Variants in BLTP1 observed in about 807,000 individuals in gnomAD.
BLTP1 encodes bridge-like lipid transfer protein family member 1, also known as fragile site-associated protein.
chr4:122,202,361 A>T, the BLTP1 span: 1 of 152,766 alleles, frequency 6.5e-6, no homozygotes, highest in Admixed American at 6.6e-5. Context: ...AGCAGTTTGC[A>T]CATATTAAAT....
chr4:122,234,967 C>G, the BLTP1 span: 1 of 1,613,022 alleles, frequency 6.2e-7, no homozygotes, highest in African/African-American at 1.3e-5. Context: ...TATGGACAGT[C>G]TCTGCTACAG....
chr4:122,207,030 TG>T, the BLTP1 span: 1 of 1,295,456 alleles, frequency 7.7e-7, no homozygotes, highest in Non-Finnish European at 1.1e-6. Flanking sequence ...CATTTTTGAC[TG>T]GTGTTAGAAA....
the BLTP1 span, among the ~76,000 whole-genome samples, chr4:122,223,789 T>A: frequency 1.3e-5 from 2 of 152,122 alleles, no homozygotes; most frequent in Non-Finnish European, 2.9e-5. Context: ...AAAAAGTCAA[T>A]GCATTTGTCA....
the BLTP1 span, chr4:122,333,737 G>A: frequency 6.2e-7 from 1 of 1,612,152 alleles, no homozygotes; most frequent in East Asian, 2.2e-5. Flanking sequence ...GCAAGAAAGT[G>A]CCATCATCTC....
the BLTP1 span, chr4:122,238,300 G>A: frequency 1.2e-6 from 2 of 1,614,082 alleles, no homozygotes; most frequent in Non-Finnish European, 1.7e-6. Context: ...ATGACCATTT[G>A]GTTCAAAAAG....
chr4:122,187,042 A>G, the BLTP1 span: 2 of 985,048 alleles, frequency 2.0e-6, no homozygotes, highest in Non-Finnish European at 2.4e-6. Context: ...ACAAACATCA[A>G]AGTGACTTGT....
the BLTP1 span, chr4:122,276,575 C>T: frequency 5.1e-6 from 5 of 985,252 alleles, no homozygotes; most frequent in South Asian, 1.9e-4. Flanking sequence ...ATGTCAGCAC[C>T]ATCTGGGTGT....
the BLTP1 span, among the ~76,000 whole-genome samples, chr4:122,166,080 A>G: frequency 1.3e-5 from 2 of 152,096 alleles, no homozygotes; most frequent in African/African-American, 4.8e-5. Context: ...TAGTTTAATT[A>G]GATCCCATTT....
At chr4:122,283,416 A>T in the BLTP1 span, among the ~76,000 whole-genome samples, 2 of 152,066 alleles carry the variant, frequency 1.3e-5, no homozygotes, top group African/African-American at 4.8e-5. Flanking sequence ...ATTCTGCTTC[A>T]TTGATCTCTT....
the BLTP1 span, chr4:122,201,213 G>T: frequency 2.0e-6 from 2 of 988,574 alleles, no homozygotes; most frequent in Non-Finnish European, 1.5e-6. Flanking sequence ...AATTACATAG[G>T]GATATGATAT....
chr4:122,336,056 C>G, the BLTP1 span: 2 of 620,842 alleles, frequency 3.2e-6, no homozygotes, highest in African/African-American at 3.7e-5. Flanking sequence ...TTCCTATCAA[C>G]CTGCTACTTT....
the BLTP1 span, chr4:122,281,526 T>G: frequency 6.4e-7 from 1 of 1,558,370 alleles, no homozygotes; most frequent in Non-Finnish European, 8.6e-7. Flanking sequence ...ATTTTTTTTT[T>G]GCTTTCTAGC....
At chr4:122,314,167 A>G in the BLTP1 span, 1 of 983,266 alleles carries the variant, frequency 1.0e-6, no homozygotes, top group Non-Finnish European at 1.2e-6. Context: ...ATCTTTCTTA[A>G]GCAAAAACTG....
the BLTP1 span, chr4:122,153,916 C>T: frequency 8.0e-6 from 6 of 746,518 alleles, no homozygotes; most frequent in South Asian, 1.2e-4. Context: ...AAAAGAGTTT[C>T]GTCCTGTTTG....
chr4:122,287,013 T>C, the BLTP1 span, among the ~76,000 whole-genome samples: 1 of 152,218 alleles, frequency 6.6e-6, no homozygotes, highest in Non-Finnish European at 1.5e-5. Context: ...TTTAAAAATA[T>C]GTATTAGTTA....
the BLTP1 span, among the ~76,000 whole-genome samples, chr4:122,310,403 T>C: frequency 6.6e-6 from 1 of 152,258 alleles, no homozygotes; most frequent in South Asian, 2.1e-4. Flanking sequence ...TACAGGTTTA[T>C]TTAATATGAG....
the BLTP1 span, chr4:122,362,275 A>ATGAT: frequency 1.9e-6 from 3 of 1,573,936 alleles, no homozygotes; most frequent in Non-Finnish European, 1.7e-6. Context: ...TGAACAAATT[A>ATGAT]TGATTGTGTC....
chr4:122,276,092 A>AT, the BLTP1 span: 2 of 1,276,726 alleles, frequency 1.6e-6, no homozygotes, highest in Non-Finnish European at 1.1e-6. Context: ...AAATATTTAA[A>AT]TTTTTTTCAT....
chr4:122,346,069 A>C, the BLTP1 span: 8 of 959,766 alleles, frequency 8.3e-6, no homozygotes, highest in East Asian at 2.3e-4. Context: ...CAAAAACAGA[A>C]ATTTTAGCTG....
Sources: allele counts gnomAD v4.1 joint callset (sites outside exome capture counted in the v4.1 genomes callset), GRCh38; gene constraint gnomAD v4.1.1; transcripts MANE v1.5; gene names NCBI Gene and HGNC (gene_info 2026-07-23, HGNC 2026-07-21).